ADAMTS2: variants seen among roughly 807,000 people sequenced by gnomAD.
ADAMTS2 encodes the protein ADAM metallopeptidase with thrombospondin type 1 motif 2.
ADAMTS2 carries 50 observed loss-of-function variants against 123.0 expected under a neutral mutation model. The ratio of observed to expected loss-of-function variants is 0.41; its 90% confidence interval spans 0.32 to 0.51. The LOEUF is 0.51. ADAMTS2 is among the 20% of genes least tolerant of loss of function. The pLI, the probability that ADAMTS2 is intolerant of heterozygous loss-of-function variation, is 0.35. For missense variants in ADAMTS2, 1,494 were observed against 1,705.2 expected, an observed-to-expected ratio of 0.88 and a Z score of 2.18; for synonymous variants, 678 against 695.4, an observed-to-expected ratio of 0.98 and a Z score of 0.39.
intron 21 of ADAMTS2, among the ~76,000 whole-genome samples, chr5:179,116,861 A>AC (rs1261133465): frequency 6.6e-6 from 1 of 152,016 alleles, no homozygotes; most frequent in Non-Finnish European, 1.5e-5. Context: ...GGGAGTTAAA[A>AC]CCCATCGGCC....
At position 179,113,915 on chromosome 5, in the gene ADAMTS2, T is replaced by C. The variant is rs763393379; in HGVS notation, c.3588A>G (p.Gln1196=). ...PYEKTRNQRI[Q]ELIDEMRKKE... ...TCTTCCGCATCTCATCAATGAGCTC[T>C]TGGATTCTTTGGTTTCTGGTCTTTT... Residue 1196 remains glutamine, a synonymous_variant, in exon 22 of 22, where the codon CAA becomes CAG. Coordinates refer to ENST00000251582, the MANE Select transcript of ADAMTS2 (RefSeq NM_014244.5). 6.2e-7 allele frequency: 1 copy of C among 1,614,240 alleles called. No individual in the cohort carries two copies. Among genetic ancestry groups the C allele is most frequent in the South Asian group, 1.1e-5 (1 of 91,086 alleles).
At chr5:179,265,068 G>T (rs992354033) in intron 3 of ADAMTS2, among the ~76,000 whole-genome samples, 1 of 96,852 alleles carries the variant, frequency 1.0e-5, no homozygotes, top group African/African-American at 4.8e-5. Context: ...CAAACTGCCC[G>T]CTGCCCACCC....
chr5:179,189,510 G>GTTT lies in ADAMTS2; in HGVS notation c.892-8358_892-8356dup, dbSNP rs146295427. ...CTACAGGCGCCCGCCAGTGCGCCTGGTTTTTTTTTTTTTTTTTTTTTTTTT... is the reference window on the plus strand; with the variant it reads ...CTACAGGCGCCCGCCAGTGCGCCTGGTTTTTTTTTTTTTTTTTTTTTTTTTTTT... On this transcript the variant is annotated intron_variant, in intron 4 of 21. Transcript: ENST00000251582. The surrounding 1 kb of genome is among the most constrained non-coding windows in gnomAD (Gnocchi z 4.2). 3.1e-3 allele frequency among the ~76,000 whole-genome samples: 244 copies of GTTT among 78,942 alleles called. 33 individuals carry two copies. The highest frequency in any genetic ancestry group is 5.2e-3 in the Non-Finnish European group (207 of 39,976). 51.8% of individuals were successfully genotyped at this position (78,942 alleles called of 152,430 possible).
chr5:179,316,279 C>A (rs1023198598), intron 2 of ADAMTS2, among the ~76,000 whole-genome samples: 4 of 152,208 alleles, frequency 2.6e-5, no homozygotes, highest in Non-Finnish European at 5.9e-5. Context: ...CCAGAGCCAC[C>A]GCAGCAGAGG....
chr5:179,343,823 C>T lies in ADAMTS2; in HGVS notation c.478G>A (p.Asp160Asn). Residue 160 changes from aspartate (D) to asparagine (N), a missense_variant, in exon 2 of 22, where the codon GAC becomes AAC. Transcript: ENST00000251582. ...PLLGSCLYVG[D>N]VAGLAEASSV... ...GAGGCTTCGGCTAGGCCGGCCACGT[C>T]TCCGACGTAGAGACAGCTCCCGAGC... The T allele has an allele frequency of 6.2e-7, 1 of 1,610,016 alleles. No individual in the cohort carries two copies. The highest frequency in any genetic ancestry group is 8.5e-7 in the Non-Finnish European group (1 of 1,179,008).
rs146295427 is a variant in ADAMTS2 at position 179,189,510 on chromosome 5, G to GTTTTTTTTT, written c.892-8364_892-8356dup. Among the ~76,000 whole-genome samples the GTTTTTTTTT allele has an allele frequency of 6.3e-5, 5 of 78,950 alleles. No homozygotes were observed. The highest frequency in any genetic ancestry group is 1.0e-4 in the Non-Finnish European group (4 of 39,972). The allele number at this position is 78,950 out of a possible 152,430, so 51.8% of individuals were successfully genotyped here. On this transcript the variant is annotated intron_variant, in intron 4 of 21. Coordinates refer to ENST00000251582, the MANE Select transcript of ADAMTS2 (RefSeq NM_014244.5). The surrounding 1 kb of genome is among the most constrained non-coding windows in gnomAD (Gnocchi z 4.2). ...CTACAGGCGCCCGCCAGTGCGCCTG[G>GTTTTTTTTT]TTTTTTTTTTTTTTTTTTTTTTTTT...
chr5:179,299,946 T>C (rs920839688), intron 2 of ADAMTS2, among the ~76,000 whole-genome samples: 1 of 151,748 alleles, frequency 6.6e-6, no homozygotes, highest in African/African-American at 2.4e-5. Context: ...TACAAAAAAT[T>C]AGCCAGGCGT....
chr5:179,123,438 G>T (rs1762796160), intron 19 of ADAMTS2, among the ~76,000 whole-genome samples: 1 of 152,164 alleles, frequency 6.6e-6, no homozygotes, highest in African/African-American at 2.4e-5. Context: ...TTTTGTTGTT[G>T]GTTTCGAGAC....
rs1049331095 is a variant in ADAMTS2 at position 179,345,091 on chromosome 5, A to T, written c.139+99T>A. ...CGGGCGGGGCGCGCGGAGTTTGCCC[A>T]AGTCAGGCTGGACGACGCCTGGGGA... On this transcript the variant is annotated intron_variant, in intron 1 of 21. Coordinates refer to ENST00000251582, the MANE Select transcript of ADAMTS2 (RefSeq NM_014244.5). The surrounding 1 kb of genome is among the most constrained non-coding windows in gnomAD (Gnocchi z 7.5). 1.7e-5 allele frequency: 16 copies of T among 939,104 alleles called. No individual in the cohort carries two copies. The highest frequency in any genetic ancestry group is 2.1e-5 in the Non-Finnish European group (16 of 776,524). The allele number at this position is 939,104 out of a possible 1,614,324, so 58.2% of individuals were successfully genotyped here. A position where few individuals can be genotyped will look rare whatever the true frequency, so the allele number is the denominator to read the frequency against.
chr5:179,271,497 C>A (rs1449869014), intron 3 of ADAMTS2, among the ~76,000 whole-genome samples: 1 of 152,212 alleles, frequency 6.6e-6, no homozygotes, highest in Non-Finnish European at 1.5e-5. Flanking sequence ...GGGGCCCTGC[C>A]CCCGGGTCTG....
At chr5:179,160,654 C>T (rs1311817419) in intron 5 of ADAMTS2, among the ~76,000 whole-genome samples, 2 of 152,178 alleles carry the variant, frequency 1.3e-5, no homozygotes, top group African/African-American at 4.8e-5. Context: ...GATAAGATAA[C>T]TCATTCTAAC....
chr5:179,293,831 G>A (rs1756255861), intron 2 of ADAMTS2, among the ~76,000 whole-genome samples: 1 of 151,724 alleles, frequency 6.6e-6, no homozygotes, highest in South Asian at 2.1e-4. Context: ...CATCACATTG[G>A]CTAGGTGGTC....
At position 179,154,082 on chromosome 5, in the gene ADAMTS2, C is replaced by A. The variant is rs752634323; in HGVS notation, c.1349G>T (p.Arg450Leu). ...QAAFHRFHWS[R>L]CSQQELSRYL... Reference sequence around the variant, plus strand: ...GCGGCTCAGCTCCTGCTGGCTGCAGCGGGACCAGTGGAAGCGGTGGAAGGC... The same window carrying A: ...GCGGCTCAGCTCCTGCTGGCTGCAGAGGGACCAGTGGAAGCGGTGGAAGGC... The change falls in exon 8 of 22, where the codon CGC becomes CTC. Residue 450 changes from arginine to leucine, a missense_variant. Coordinates refer to ENST00000251582, the MANE Select transcript of ADAMTS2 (RefSeq NM_014244.5). The A allele has an allele frequency of 1.1e-5, 18 of 1,604,422 alleles. No homozygotes were observed. The highest frequency in any genetic ancestry group is 8.5e-6 in the Non-Finnish European group (10 of 1,178,254).
In ADAMTS2 at chr5:179,321,178, C is replaced by T. The variant is rs758717021; in HGVS notation, c.534+22589G>A. Among the ~76,000 whole-genome samples the T allele has an allele frequency of 2.3e-4, 35 of 152,290 alleles. 1 individual carries two copies. Among genetic ancestry groups the T allele is most frequent in the Middle Eastern group, 3.4e-3 (1 of 294 alleles). Reference sequence around the variant, plus strand: ...CTATAGCTTCAAACTCTCCATCTCCCGGATCCTCATCCTCGGTCCCTGAGC... The same window carrying T: ...CTATAGCTTCAAACTCTCCATCTCCTGGATCCTCATCCTCGGTCCCTGAGC... On this transcript the variant is annotated intron_variant, in intron 2 of 21. Coordinates refer to ENST00000251582, the MANE Select transcript of ADAMTS2 (RefSeq NM_014244.5).
At chr5:179,269,382 T>TA (rs1233763672) in intron 3 of ADAMTS2, among the ~76,000 whole-genome samples, 1 of 146,516 alleles carries the variant, frequency 6.8e-6, no homozygotes, top group Non-Finnish European at 1.5e-5. Flanking sequence ...TTATTGGACT[T>TA]ACAGTTCCAC....
At chr5:179,131,621 G>C (rs1197660732) in intron 15 of ADAMTS2, among the ~76,000 whole-genome samples, 1 of 152,118 alleles carries the variant, frequency 6.6e-6, no homozygotes, top group Non-Finnish European at 1.5e-5. Context: ...GGCACCTTCA[G>C]AGGGAGGGTG....
At chr5:179,277,787 AC>A (rs1457403287) in intron 2 of ADAMTS2, among the ~76,000 whole-genome samples, 1 of 15,424 alleles carries the variant, frequency 6.5e-5, no homozygotes, top group African/African-American at 1.8e-4. Flanking sequence ...CCAAAGGCTG[AC>A]CCCCCCGCGA....
At chr5:179,294,282 G>A (rs1171907328) in intron 2 of ADAMTS2, among the ~76,000 whole-genome samples, 1 of 152,198 alleles carries the variant, frequency 6.6e-6, no homozygotes, top group East Asian at 1.9e-4. Flanking sequence ...TGGGAACCGG[G>A]AGAAAGATGT....
At chr5:179,252,056 G>A (rs866240776) in intron 3 of ADAMTS2, among the ~76,000 whole-genome samples, 20 of 143,068 alleles carry the variant, frequency 1.4e-4, no homozygotes, top group African/African-American at 5.0e-4. Context: ...CACCCAGGCT[G>A]GAGTGCAGTG....
Sources: allele counts gnomAD v4.1 joint callset (sites outside exome capture counted in the v4.1 genomes callset), GRCh38; gene constraint gnomAD v4.1.1; non-coding constraint Gnocchi (gnomAD v3.1); transcripts MANE v1.5; gene names NCBI Gene and HGNC (gene_info 2026-07-23, HGNC 2026-07-21).